ALK: variants seen among roughly 807,000 people sequenced by gnomAD.
The protein encoded by ALK is ALK tyrosine kinase receptor.
ALK carries 74 observed loss-of-function variants against 163.1 expected under a neutral mutation model. That is an observed-to-expected ratio of 0.45 (90% confidence interval 0.38 to 0.55). The LOEUF is 0.55. Among genes scored for constraint, ALK ranks in the 20% least tolerant of loss-of-function variants. The pLI, the probability that ALK is intolerant of heterozygous loss-of-function variation, is 0.00. For synonymous variants in ALK, 960 were observed against 843.2 expected, an observed-to-expected ratio of 1.14 and a Z score of -2.40; for missense variants, 2,063 against 2,105.3, an observed-to-expected ratio of 0.98 and a Z score of 0.39.
chr2:29,899,058 T>G (rs953406297), intron 1 of ALK, among the ~76,000 whole-genome samples: 7 of 152,136 alleles, frequency 4.6e-5, no homozygotes, highest in Admixed American at 6.5e-5. Context: ...CATTTCAATG[T>G]GTGGCCCCAG....
At chr2:29,595,532 G>A (rs1341770613) in intron 3 of ALK, among the ~76,000 whole-genome samples, 1 of 152,110 alleles carries the variant, frequency 6.6e-6, no homozygotes. Context: ...GTGTTAGGCA[G>A]GATGGTCTCG....
chr2:29,559,768 C>CGTGTGTGTGTGTGTGT lies in ALK; in HGVS notation c.953-27668_953-27653dup, dbSNP rs56285031. Among the ~76,000 whole-genome samples, 97 of 143,128 alleles carry CGTGTGTGTGTGTGTGT rather than the reference C, an allele frequency of 6.8e-4. 1 individual carries two copies. Among genetic ancestry groups the CGTGTGTGTGTGTGTGT allele is most frequent in the Middle Eastern group, 6.9e-3 (2 of 288 alleles). 93.9% of individuals were successfully genotyped at this position (143,128 alleles called of 152,430 possible). A position where few individuals can be genotyped will look rare whatever the true frequency, so the allele number is the denominator to read the frequency against. ...TGTGTGGGTCACAGGGGAGCATGTA[C>CGTGTGTGTGTGTGTGT]GTGTGTGTGTGTGTGTGTGTGTGTG... is the stretch of plus-strand genomic sequence containing the variant. On this transcript the variant is annotated intron_variant, in intron 3 of 28. Transcript: ENST00000389048.
intron 5 of ALK, among the ~76,000 whole-genome samples, chr2:29,350,284 T>C (rs1368406241): frequency 6.6e-6 from 1 of 152,226 alleles, no homozygotes; most frequent in Non-Finnish European, 1.5e-5. Context: ...TGTGAAGGAA[T>C]TGGGCCATTG....
chr2:29,868,018 G>A (rs898377133), intron 1 of ALK, among the ~76,000 whole-genome samples: 1 of 152,168 alleles, frequency 6.6e-6, no homozygotes, highest in Non-Finnish European at 1.5e-5. Flanking sequence ...GGCAGGAACA[G>A]GTGTGTGTAA....
At chr2:29,349,718 A>G (rs1668059210) in intron 5 of ALK, among the ~76,000 whole-genome samples, 1 of 152,240 alleles carries the variant, frequency 6.6e-6, no homozygotes, top group Admixed American at 6.5e-5. Flanking sequence ...GACAGCTCAT[A>G]GGCAGGAGCT....
chr2:29,721,232 CT>C lies in ALK; in HGVS notation c.668-3536del, dbSNP rs557424791. On this transcript the variant is annotated intron_variant, in intron 1 of 28. Coordinates refer to ENST00000389048, the MANE Select transcript of ALK (RefSeq NM_004304.5). The stretch of plus-strand genomic sequence containing the variant: ...GAATTTTTCACTGTGTATCATCCCC[CT>C]AATGTCCTCAGCTTCAGCTCCAGGG... 4.2e-3 allele frequency among the ~76,000 whole-genome samples: 640 copies of C among 152,330 alleles called. 1 individual carries two copies. In the Middle Eastern group the frequency reaches 0.044, roughly 11 times the overall value.
intron 8 of ALK, among the ~76,000 whole-genome samples, chr2:29,299,236 T>C (rs1461120860): frequency 6.6e-6 from 1 of 152,376 alleles, no homozygotes; most frequent in Non-Finnish European, 1.5e-5. Flanking sequence ...TTCCGAATTC[T>C]CTTGTATATT....
chr2:29,256,302 C>A (rs942288622), intron 11 of ALK, among the ~76,000 whole-genome samples: 10 of 152,132 alleles, frequency 6.6e-5, no homozygotes, highest in Non-Finnish European at 1.3e-4. Flanking sequence ...GAGGTAATCT[C>A]CACTCACAAA....
chr2:29,827,453 A>G (rs932977364), intron 1 of ALK, among the ~76,000 whole-genome samples: 4 of 152,196 alleles, frequency 2.6e-5, no homozygotes, highest in African/African-American at 9.7e-5. Context: ...CTTCTACCAA[A>G]TGATGAACTC....
chr2:29,596,704 T>C (rs1356590728), intron 3 of ALK, among the ~76,000 whole-genome samples: 1 of 152,016 alleles, frequency 6.6e-6, no homozygotes, highest in East Asian at 1.9e-4. Context: ...GGAAGCAAAA[T>C]AGCCTTTGAT....
At chr2:29,889,517 A>G (rs1427367831) in intron 1 of ALK, among the ~76,000 whole-genome samples, 5 of 144,308 alleles carry the variant, frequency 3.5e-5, no homozygotes, top group African/African-American at 1.3e-4. Context: ...GGATGGATGG[A>G]TAGATAGATA....
chr2:29,318,788 G>C (rs1314222371), intron 7 of ALK, among the ~76,000 whole-genome samples: 2 of 151,976 alleles, frequency 1.3e-5, no homozygotes, highest in Non-Finnish European at 2.9e-5. Flanking sequence ...GGATAGTCTC[G>C]ATCTCCTGAC....
In ALK at chr2:29,296,939, C is replaced by A. The variant is rs769505453; in HGVS notation, c.1766G>T (p.Gly589Val). 2 of 1,614,212 alleles carry A rather than the reference C, an allele frequency of 1.2e-6. No individual in the cohort carries two copies. Among genetic ancestry groups the A allele is most frequent in the Non-Finnish European group, 8.5e-7 (1 of 1,180,026 alleles). ...RMVWHVAAYEGLSLWQWMVLP... is the reference protein window; with the variant it reads ...RMVWHVAAYEVLSLWQWMVLP... ...CACCATCCACTGCCACAGGCTCAAGCCTTCATAGGCGGCGACATGCCAGAC... is the reference window on the plus strand; with the variant it reads ...CACCATCCACTGCCACAGGCTCAAGACTTCATAGGCGGCGACATGCCAGAC... The change falls in exon 9 of 29, where the codon GGC (glycine) becomes GTC (valine). Residue 589 changes from glycine (G) to valine (V), a missense_variant. Physicochemically the swap from Gly to Val is moderately radical, Grantham distance 109. This residue lies in a region of ALK where 987 missense variants were observed against 939.5 expected (regional missense o/e 1.05). Transcript: ENST00000389048.
At chr2:29,917,868 T>C (rs1010352795) in intron 1 of ALK, among the ~76,000 whole-genome samples, 1 of 152,252 alleles carries the variant, frequency 6.6e-6, no homozygotes, top group Non-Finnish European at 1.5e-5. Flanking sequence ...TGCCTTTTAA[T>C]GGCAGAATCC....
At chr2:29,847,695 GCATT>G (rs368055798) in intron 1 of ALK, among the ~76,000 whole-genome samples, 18 of 151,904 alleles carry the variant, frequency 1.2e-4, no homozygotes, top group African/African-American at 4.3e-4. Context: ...CCAAAGAATG[GCATT>G]CATTCATTCA....
chr2:29,516,120 C>A (rs1672655662), intron 4 of ALK, among the ~76,000 whole-genome samples: 1 of 152,126 alleles, frequency 6.6e-6, no homozygotes. Context: ...GACTCAGTCA[C>A]CCTCATCTTG....
chr2:29,696,028 T>C (rs1678549101), intron 2 of ALK, among the ~76,000 whole-genome samples: 1 of 152,162 alleles, frequency 6.6e-6, no homozygotes, highest in African/African-American at 2.4e-5. Flanking sequence ...GCAATCCCAT[T>C]ACTGGGTACA....
At chr2:29,301,472 A>G (rs551010399) in intron 8 of ALK, among the ~76,000 whole-genome samples, 1 of 152,304 alleles carries the variant, frequency 6.6e-6, no homozygotes, top group East Asian at 1.9e-4. Flanking sequence ...ATAAAATTGC[A>G]TATCTATATA....
chr2:29,439,348 C>T (rs1670479489), intron 4 of ALK, among the ~76,000 whole-genome samples: 1 of 152,106 alleles, frequency 6.6e-6, no homozygotes, highest in Admixed American at 6.5e-5. Flanking sequence ...ATAGCTCTTA[C>T]TTGACTATTA....
Sources: allele counts gnomAD v4.1 joint callset (sites outside exome capture counted in the v4.1 genomes callset), GRCh38; gene constraint gnomAD v4.1.1; regional missense constraint gnomAD v4.1.1; transcripts MANE v1.5; gene names NCBI Gene and HGNC (gene_info 2026-07-23, HGNC 2026-07-21).